Variants in SIRT1 observed in about 807,000 individuals in gnomAD.
SIRT1 encodes NAD-dependent protein deacetylase sirtuin-1.
A neutral mutation model predicts 67.9 loss-of-function variants in SIRT1; 24 were observed. The observed-to-expected ratio is 0.35, with a 90% CI of 0.26 to 0.50. SIRT1 has a LOEUF of 0.50. Among genes scored for constraint, SIRT1 ranks in the 20% least tolerant of loss-of-function variants. The pLI is 0.98. For synonymous variants in SIRT1, 378 were observed against 350.7 expected (o/e 1.08, Z -0.87); for missense variants, 873 against 937.2 (o/e 0.93, Z 0.89).
intron 4 of SIRT1, among the ~76,000 whole-genome samples, chr10:67,900,783 C>T (rs1249337456): frequency 6.6e-6 from 1 of 152,188 alleles, no homozygotes; most frequent in Admixed American, 6.5e-5. Flanking sequence ...CTGGTTACTA[C>T]TGGCCGTTTG....
At chr10:67,913,229 C>T (rs1367283818) in intron 8 of SIRT1, among the ~76,000 whole-genome samples, 198 bp downstream of exon 8, 1 of 152,058 alleles carries the variant, frequency 6.6e-6, no homozygotes, top group African/African-American at 2.4e-5. Flanking sequence ...TTTAATAGTG[C>T]TCTGTATGTT....
At chr10:67,890,539 G>T (rs1366643451) in intron 3 of SIRT1, among the ~76,000 whole-genome samples, 4 of 151,602 alleles carry the variant, frequency 2.6e-5, no homozygotes, top group Non-Finnish European at 5.9e-5. Flanking sequence ...GAGCCCTGGA[G>T]TTTGAGATCA....
At chr10:67,900,700 A>G (rs1315766200) in intron 4 of SIRT1, among the ~76,000 whole-genome samples, 1 of 151,888 alleles carries the variant, frequency 6.6e-6, no homozygotes, top group Non-Finnish European at 1.5e-5. Context: ...TGCCTCAGCT[A>G]CTCAAAGTGC....
intron 4 of SIRT1, among the ~76,000 whole-genome samples, chr10:67,900,270 C>T (rs1842721518): frequency 6.6e-6 from 1 of 152,004 alleles, no homozygotes; most frequent in African/African-American, 2.4e-5. Context: ...TTCAGCCTCC[C>T]AGGTAGCTGA....
In SIRT1 at chr10:67,885,103, G is replaced by A. The variant is rs865826245; in HGVS notation, c.382G>A (p.Glu128Lys). 2 of 1,443,794 alleles carry A rather than the reference G, an allele frequency of 1.4e-6. No individual in the cohort carries two copies. The highest frequency in any genetic ancestry group is 1.4e-5 in the South Asian group (1 of 72,658). 89.4% of individuals were successfully genotyped at this position (1,443,794 alleles called of 1,614,324 possible). ...DNLYDEDDDDEGEEEEEAAAA... is the reference protein window; with the variant it reads ...DNLYDEDDDDKGEEEEEAAAA... ...CTTGTACGACGAAGACGACGACGAC[G>A]AGGGCGAGGAGGAGGAAGAGGCGGC... The change falls in exon 1 of 9, where the codon GAG becomes AAG. Residue 128 changes from glutamate to lysine, a missense_variant. Glu to Lys is a moderately conservative substitution (Grantham distance 56). Transcript: ENST00000212015.
chr10:67,885,033 G>C lies in SIRT1; in HGVS notation c.312G>C (p.Gly104=), dbSNP rs1318107553. 2.2e-6 allele frequency: 3 copies of C among 1,378,798 alleles called. No individual in the cohort carries two copies. Among genetic ancestry groups the C allele is most frequent in the African/African-American group, 3.0e-5 (2 of 65,788 alleles). The allele number at this position is 1,378,798 out of a possible 1,614,324, so 85.4% of individuals were successfully genotyped here. A position where few individuals can be genotyped will look rare whatever the true frequency, so the allele number is the denominator to read the frequency against. The change falls in exon 1 of 9, where the codon GGG becomes GGC. Residue 104 remains glycine, a synonymous_variant. Transcript: ENST00000212015. ...CGGCGGCTGGGGAAGGAGACAATGGGCCGGGCCTGCAGGGCCCATCTCGGG... is the reference window on the plus strand; with the variant it reads ...CGGCGGCTGGGGAAGGAGACAATGGCCCGGGCCTGCAGGGCCCATCTCGGG... ...ATAAAGEGDN[G]PGLQGPSREP...
chr10:67,900,447 A>G (rs902736000), intron 4 of SIRT1, among the ~76,000 whole-genome samples: 14 of 151,638 alleles, frequency 9.2e-5, no homozygotes, highest in Non-Finnish European at 2.1e-4. Flanking sequence ...GCTTGGCTCA[A>G]CATCTTATTG....
At position 67,892,046 on chromosome 10, in the gene SIRT1, C is replaced by T. The variant is rs571281826; in HGVS notation, c.942+492C>T. Reference sequence around the variant, plus strand: ...TCATTATTCTGCTCTAGAGTTGCACCGTCCAGTTCAGAAGCCACTAGCCAC... The same window carrying T: ...TCATTATTCTGCTCTAGAGTTGCACTGTCCAGTTCAGAAGCCACTAGCCAC... On this transcript the variant is annotated intron_variant, in intron 4 of 8. Transcript: ENST00000212015. 3.9e-5 allele frequency among the ~76,000 whole-genome samples: 6 copies of T among 152,204 alleles called. No individual in the cohort carries two copies. The South Asian group carries it at 8.3e-4, about 21-fold the overall frequency.
chr10:67,898,712 T>G (rs975320357), intron 4 of SIRT1, among the ~76,000 whole-genome samples: 32 of 152,206 alleles, frequency 2.1e-4, no homozygotes, highest in African/African-American at 7.7e-4. Context: ...GGCTTGCGAC[T>G]GTAGTCCCAG....
chr10:67,912,741 A>T lies in SIRT1; in HGVS notation c.1625A>T (p.Glu542Val), dbSNP rs892821661. The change falls in exon 8 of 9, where the codon GAA becomes GTA. Residue 542 changes from glutamate (E) to valine (V), a missense_variant. Glu to Val is a moderately radical substitution (Grantham distance 121, BLOSUM62 -2). This residue lies in a region of SIRT1 where 295 missense variants were observed against 294.5 expected (regional missense o/e 1.00). Transcript: ENST00000212015. ...LHVSEDSSSP[E>V]RTSPPDSSVI... ...GTTTCAGAAGACTCAAGTTCACCAG[A>T]AAGAACTTCACCACCAGATTCTTCA... is the stretch of plus-strand genomic sequence containing the variant. 3 of 1,614,028 alleles carry T rather than the reference A, an allele frequency of 1.9e-6. No homozygotes were observed. The African/African-American group carries it at 4.0e-5, about 22-fold the overall frequency.
intron 3 of SIRT1, 27 bp downstream of exon 3, chr10:67,889,150 T>A: frequency 6.4e-7 from 1 of 1,559,862 alleles, no homozygotes; most frequent in Non-Finnish European, 8.6e-7. Flanking sequence ...CATGGGGAGG[T>A]CGTATATGTA....
intron 4 of SIRT1, among the ~76,000 whole-genome samples, chr10:67,897,357 G>A (rs766944867): frequency 6.8e-6 from 1 of 147,126 alleles, no homozygotes; most frequent in African/African-American, 2.5e-5. Flanking sequence ...GTGTGATCTC[G>A]GCTCACTTGC....
At chr10:67,916,167 T>A (rs35331624) in intron 8 of SIRT1, 98 bp from the exon 9 acceptor site, 13 of 1,068,516 alleles carry the variant, frequency 1.2e-5, no homozygotes, top group South Asian at 9.9e-5. Flanking sequence ...AGGACACTTA[T>A]AATAAAGGCA....
intron 2 of SIRT1, 48 bp downstream of exon 2, chr10:67,887,581 G>GT: frequency 1.5e-6 from 2 of 1,305,238 alleles, no homozygotes; most frequent in South Asian, 2.4e-5. Context: ...ACGGTTTTTG[G>GT]TTTGTTTGTT....
intron 4 of SIRT1, among the ~76,000 whole-genome samples, chr10:67,896,134 T>C (rs1842654580): frequency 1.3e-5 from 2 of 152,122 alleles, no homozygotes; most frequent in South Asian, 4.1e-4. Context: ...TTGGCACTAT[T>C]GACATTTTGG....
chr10:67,913,098 A>G, intron 8 of SIRT1, 67 bp downstream of exon 8: 2 of 1,491,710 alleles, frequency 1.3e-6, no homozygotes, highest in Admixed American at 4.6e-5. Flanking sequence ...AAAATTAGCT[A>G]TTTCGGCAGG....
intron 4 of SIRT1, among the ~76,000 whole-genome samples, chr10:67,893,193 A>G (rs764884501): frequency 6.6e-6 from 1 of 152,220 alleles, no homozygotes; most frequent in Non-Finnish European, 1.5e-5. Flanking sequence ...ATTTGTTAAC[A>G]TAGGTATACA....
At position 67,912,759 on chromosome 10, in the gene SIRT1, A is replaced by C; in HGVS notation, c.1643A>C (p.Asp548Ala). 1 of 1,614,142 alleles carries C rather than the reference A, an allele frequency of 6.2e-7. No individual in the cohort carries two copies. The highest frequency in any genetic ancestry group is 8.5e-7 in the Non-Finnish European group (1 of 1,180,036). Residue 548 changes from aspartate (D) to alanine (A), a missense_variant, in exon 8 of 9, where the codon GAT becomes GCT. Coordinates refer to ENST00000212015, the MANE Select transcript of SIRT1 (RefSeq NM_012238.5). ...TCACCAGAAAGAACTTCACCACCAGATTCTTCAGTGATTGTCACACTTTTA... is the reference window on the plus strand; with the variant it reads ...TCACCAGAAAGAACTTCACCACCAGCTTCTTCAGTGATTGTCACACTTTTA... ...SSSPERTSPP[D>A]SSVIVTLLDQ...
intron 4 of SIRT1, among the ~76,000 whole-genome samples, chr10:67,892,440 G>C (rs991496478): frequency 2.6e-5 from 4 of 151,964 alleles, no homozygotes; most frequent in African/African-American, 7.3e-5. Flanking sequence ...GAGCATGGTG[G>C]TGTGCACCTG....
Sources: allele counts gnomAD v4.1 joint callset (sites outside exome capture counted in the v4.1 genomes callset), GRCh38; gene constraint gnomAD v4.1.1; regional missense constraint gnomAD v4.1.1; transcripts MANE v1.5; gene names NCBI Gene and HGNC (gene_info 2026-07-23, HGNC 2026-07-21).